Variants in PCDHA1 observed in about 807,000 individuals in gnomAD.
PCDHA1 encodes the protein protocadherin alpha 1.
PCDHA1 carries 42 observed loss-of-function variants against 61.3 expected under a neutral mutation model. The ratio of observed to expected loss-of-function variants is 0.69; its 90% confidence interval spans 0.54 to 0.89. The LOEUF (loss-of-function observed/expected upper bound fraction) is 0.89, where lower values mean the gene tolerates loss of function less well. Among genes scored for constraint, PCDHA1 ranks in the 40% least tolerant of loss-of-function variants. The pLI, the probability that PCDHA1 is intolerant of heterozygous loss-of-function variation, is 0.00. For synonymous variants in PCDHA1, 610 were observed against 553.8 expected, an observed-to-expected ratio of 1.10 and a Z score of -1.43; for missense variants, 1,256 against 1,235.3, an observed-to-expected ratio of 1.02 and a Z score of -0.25.
intron 3 of PCDHA1, among the ~76,000 whole-genome samples, chr5:140,983,886 T>C (rs1280409622): frequency 1.3e-5 from 2 of 152,206 alleles, no homozygotes; most frequent in Non-Finnish European, 2.9e-5. Flanking sequence ...CTGGCAACTT[T>C]AAGGGCATTC....
intron 1 of PCDHA1, chr5:140,967,992 C>T: frequency 1.2e-6 from 2 of 1,614,250 alleles, no homozygotes; most frequent in Non-Finnish European, 1.7e-6. Flanking sequence ...GCCACACTGC[C>T]TTTCCGACTG....
intron 1 of PCDHA1, chr5:140,807,718 C>A: frequency 6.2e-7 from 1 of 1,614,230 alleles, no homozygotes; most frequent in Non-Finnish European, 8.5e-7. Context: ...CAAATGAATA[C>A]TTTTCTCTGG....
chr5:140,789,631 T>C (rs1761541584), intron 1 of PCDHA1, among the ~76,000 whole-genome samples: 1 of 152,220 alleles, frequency 6.6e-6, no homozygotes, highest in South Asian at 2.1e-4. Context: ...GCATTGCATG[T>C]ATTTGCTATT....
chr5:140,990,332 T>C (rs1458187543), intron 3 of PCDHA1, among the ~76,000 whole-genome samples: 1 of 152,100 alleles, frequency 6.6e-6, no homozygotes, highest in Non-Finnish European at 1.5e-5. Flanking sequence ...ACTTTAAAAA[T>C]AAGTAAAGCC....
At chr5:140,829,177 C>T in intron 1 of PCDHA1, 2 of 1,614,106 alleles carry the variant, frequency 1.2e-6, no homozygotes, top group South Asian at 1.1e-5. Flanking sequence ...TACGTGAAGA[C>T]GCTCAATTTG....
intron 1 of PCDHA1, among the ~76,000 whole-genome samples, chr5:140,931,210 G>A (rs1326851548): frequency 6.6e-6 from 1 of 152,064 alleles, no homozygotes; most frequent in African/African-American, 2.4e-5. Flanking sequence ...TAGTATTTCA[G>A]GTATCAGAGC....
intron 1 of PCDHA1, chr5:140,831,242 C>A (rs1312674321): frequency 2.0e-5 from 3 of 152,156 alleles, no homozygotes; most frequent in Non-Finnish European, 4.4e-5. Context: ...GGCATTGCGG[C>A]TCTCTTATTT....
chr5:141,010,276 TTGA>T lies in PCDHA1; in HGVS notation c.*343_*345del, dbSNP rs1554262867. On this transcript the variant is annotated 3_prime_UTR_variant, in exon 4 of 4. Transcript: ENST00000504120. ...TGCCCTGTGCTCCGGGGATCCTGTC[TTGA>T]TGACACTTGCAGGGCAGGCTGAAAA... is the stretch of plus-strand genomic sequence containing the variant. The T allele has an allele frequency of 4.5e-6, 7 of 1,551,580 alleles. No individual in the cohort carries two copies. The highest frequency in any genetic ancestry group is 6.1e-6 in the Non-Finnish European group (7 of 1,146,976).
At chr5:140,853,674 G>A (rs1554146796) in intron 1 of PCDHA1, 1 of 988,402 alleles carries the variant, frequency 1.0e-6, no homozygotes, top group East Asian at 1.1e-4. Flanking sequence ...GGGGCCTATG[G>A]TCAACCTATC....
chr5:140,981,687 A>T (rs1283182396), intron 2 of PCDHA1, among the ~76,000 whole-genome samples: 1 of 151,972 alleles, frequency 6.6e-6, no homozygotes, highest in Non-Finnish European at 1.5e-5. Flanking sequence ...CCTCCCTTCC[A>T]TCATTCATTC....
At chr5:140,882,009 A>C in intron 1 of PCDHA1, 1 of 522,488 alleles carries the variant, frequency 1.9e-6, no homozygotes, top group East Asian at 3.2e-5. Context: ...AGGGGCAAAA[A>C]AATACTACAT....
chr5:140,869,323 C>G (rs1426806563), intron 1 of PCDHA1: 13 of 1,613,746 alleles, frequency 8.1e-6, no homozygotes, highest in Non-Finnish European at 1.0e-5. Flanking sequence ...ACATGGGGAC[C>G]TTCTGGAGGT....
chr5:140,906,438 G>T (rs1264031299), intron 1 of PCDHA1, among the ~76,000 whole-genome samples: 1 of 152,016 alleles, frequency 6.6e-6, no homozygotes, highest in Non-Finnish European at 1.5e-5. Context: ...TGATAAACAA[G>T]AAAGGAAATA....
At chr5:140,915,290 C>G (rs1583944127) in intron 1 of PCDHA1, among the ~76,000 whole-genome samples, 1 of 152,254 alleles carries the variant, frequency 6.6e-6, no homozygotes, top group African/African-American at 2.4e-5. Flanking sequence ...ACTCTTTCTA[C>G]TTAAGATAAG....
At position 140,786,933 on chromosome 5, in the gene PCDHA1, A is replaced by T. The variant is rs1554117604; in HGVS notation, c.643A>T (p.Thr215Ser). 6.2e-7 allele frequency: 1 copy of T among 1,614,178 alleles called. No homozygotes were observed. The highest frequency in any genetic ancestry group is 1.1e-5 in the South Asian group (1 of 91,082). ...AGAACTTCACTTATTACTGACTGCC[A>T]CTGATGGGGGCAAACCGGAGCTGCA... ...TPELHLLLTA[T>S]DGGKPELQGT... Residue 215 changes from threonine (T) to serine (S), a missense_variant, in exon 1 of 4, where the codon ACT becomes TCT. Thr to Ser is a moderately conservative substitution (Grantham distance 58). Transcript: ENST00000504120.
At chr5:140,792,056 A>C (rs1761692256) in intron 1 of PCDHA1, among the ~76,000 whole-genome samples, 1 of 152,156 alleles carries the variant, frequency 6.6e-6, no homozygotes. Flanking sequence ...TGTAAGAATA[A>C]ATTTCTTCTC....
intron 1 of PCDHA1, among the ~76,000 whole-genome samples, chr5:140,909,201 C>G (rs1379290108): frequency 6.6e-6 from 1 of 152,136 alleles, no homozygotes; most frequent in Non-Finnish European, 1.5e-5. Flanking sequence ...GACACAAAGC[C>G]GGAGAGTTGA....
intron 1 of PCDHA1, chr5:140,852,582 ATTT>A: frequency 7.2e-6 from 5 of 693,510 alleles, no homozygotes; most frequent in Non-Finnish European, 8.9e-6. Context: ...AGGCTTTTTT[ATTT>A]TTTTTTTTTG....
chr5:140,933,762 T>C (rs2089409260), intron 1 of PCDHA1, among the ~76,000 whole-genome samples: 1 of 152,128 alleles, frequency 6.6e-6, no homozygotes, highest in African/African-American at 2.4e-5. Flanking sequence ...AGTGAAGCTC[T>C]CTGTACCTAC....
Sources: gnomAD v4.1 joint callset for allele counts (sites outside exome capture counted in the v4.1 genomes callset) on GRCh38, gnomAD v4.1.1 for gene constraint, MANE v1.5 for transcripts, NCBI Gene and HGNC (gene_info 2026-07-23, HGNC 2026-07-21) for gene names.